The following MDGA2 variants were observed in gnomAD, a reference collection of about 807,000 sequenced individuals.
MDGA2 encodes the protein MAM domain containing glycosylphosphatidylinositol anchor 2.
MDGA2 carries 40 observed loss-of-function variants against 117.8 expected under a neutral mutation model. The observed-to-expected ratio is 0.34, with a 90% CI of 0.26 to 0.44. The LOEUF is 0.44. Among genes scored for constraint, MDGA2 ranks in the 20% least tolerant of loss-of-function variants. The pLI, the probability that MDGA2 is intolerant of heterozygous loss-of-function variation, is 1.00. For synonymous variants in MDGA2, 452 were observed against 439.0 expected (o/e 1.03, Z -0.37); for missense variants, 1,123 against 1,250.6 (o/e 0.90, Z 1.54).
intron 1 of MDGA2, among the ~76,000 whole-genome samples, chr14:47,572,258 C>T (rs951988171): frequency 1.3e-5 from 2 of 152,162 alleles, no homozygotes; most frequent in Non-Finnish European, 2.9e-5. Context: ...ACAATTTTGA[C>T]TTCCATGTGC....
chr14:47,600,019 T>C (rs905560098), intron 1 of MDGA2, among the ~76,000 whole-genome samples: 5 of 152,138 alleles, frequency 3.3e-5, no homozygotes, highest in Admixed American at 2.0e-4. Context: ...TAAAGAAGTG[T>C]AATTCAAATT....
At chr14:47,656,974 A>G (rs1897756630) in intron 1 of MDGA2, among the ~76,000 whole-genome samples, 1 of 152,164 alleles carries the variant, frequency 6.6e-6, no homozygotes, top group Non-Finnish European at 1.5e-5. Flanking sequence ...GTACCTTTTC[A>G]GGATACTTAC....
At chr14:47,652,171 G>T (rs187009731) in intron 1 of MDGA2, among the ~76,000 whole-genome samples, 4 of 152,294 alleles carry the variant, frequency 2.6e-5, no homozygotes, top group Non-Finnish European at 4.4e-5. Flanking sequence ...ACTAGCAAAA[G>T]ATATACAGAA....
chr14:47,543,999 T>G (rs1307749149), intron 1 of MDGA2, among the ~76,000 whole-genome samples: 1 of 152,190 alleles, frequency 6.6e-6, no homozygotes, highest in Non-Finnish European at 1.5e-5. Context: ...TAGGAAACAT[T>G]TAGCCAAACT....
chr14:47,493,971 C>T (rs757414563), intron 1 of MDGA2, among the ~76,000 whole-genome samples: 12 of 152,006 alleles, frequency 7.9e-5, no homozygotes, highest in South Asian at 4.2e-4. Context: ...GGAGGGACCT[C>T]GTGATTAGGT....
chr14:47,272,626 T>A (rs1566714060), intron 2 of MDGA2, among the ~76,000 whole-genome samples: 4 of 152,114 alleles, frequency 2.6e-5, no homozygotes, highest in African/African-American at 9.7e-5. Context: ...GGGCTTTTAA[T>A]GAAGAAGAAA....
intron 2 of MDGA2, among the ~76,000 whole-genome samples, chr14:47,279,817 C>T (rs1888418635): frequency 6.6e-6 from 1 of 152,098 alleles, no homozygotes; most frequent in African/African-American, 2.4e-5. Context: ...CCCCCGCCAT[C>T]CCCTAAATAT....
At position 46,916,087 on chromosome 14, in the gene MDGA2, G is replaced by C. The variant is rs574873353; in HGVS notation, c.2238+3925C>G. Among the ~76,000 whole-genome samples the C allele has an allele frequency of 1.2e-4, 19 of 152,232 alleles. No homozygotes were observed. The East Asian group carries it at 3.7e-3, about 29-fold the overall frequency. ...AGTAGTTTCAACTGGTCTGTGGTGG[G>C]ACCCAGACATTAGCCCACATGTAAC... On this transcript the variant is annotated intron_variant, in intron 10 of 16. Coordinates refer to ENST00000399232, the MANE Select transcript of MDGA2 (RefSeq NM_001113498.3).
intron 1 of MDGA2, among the ~76,000 whole-genome samples, chr14:47,491,130 G>T (rs1566482665): frequency 6.6e-6 from 1 of 152,018 alleles, no homozygotes; most frequent in Non-Finnish European, 1.5e-5. Context: ...ATGTTAAGCA[G>T]AATTTTTTTT....
chr14:47,013,619 G>T (rs1263410681), intron 8 of MDGA2, among the ~76,000 whole-genome samples: 2 of 150,820 alleles, frequency 1.3e-5, no homozygotes, highest in Non-Finnish European at 3.0e-5. Flanking sequence ...AATTTATTTT[G>T]CCCAGATTCA....
chr14:47,245,544 A>T (rs1303663135), intron 2 of MDGA2, among the ~76,000 whole-genome samples: 1 of 151,722 alleles, frequency 6.6e-6, no homozygotes, highest in East Asian at 1.9e-4. Flanking sequence ...TTAGAAGGGT[A>T]GAATAAAGGA....
chr14:47,641,752 G>T (rs555168105), intron 1 of MDGA2, among the ~76,000 whole-genome samples: 1 of 152,240 alleles, frequency 6.6e-6, no homozygotes, highest in African/African-American at 2.4e-5. Flanking sequence ...AGAAAGTTTT[G>T]CTGTAATACC....
At chr14:47,250,606 G>A (rs982218115) in intron 2 of MDGA2, among the ~76,000 whole-genome samples, 1 of 152,146 alleles carries the variant, frequency 6.6e-6, no homozygotes. Flanking sequence ...TGAGAGGACA[G>A]TGGGCCCTCA....
intron 1 of MDGA2, among the ~76,000 whole-genome samples, chr14:47,361,449 G>A (rs188773577): frequency 1.8e-4 from 28 of 152,144 alleles, no homozygotes; most frequent in Non-Finnish European, 3.7e-4. Context: ...GTATTTTGTC[G>A]TGGCAGCTCC....
intron 5 of MDGA2, among the ~76,000 whole-genome samples, chr14:47,127,231 T>C (rs1199786388): frequency 1.3e-5 from 2 of 152,142 alleles, no homozygotes; most frequent in Non-Finnish European, 2.9e-5. Context: ...TAAGAATCAC[T>C]AGGAGCAACT....
chr14:47,142,905 CT>C (rs1566648457), intron 4 of MDGA2, among the ~76,000 whole-genome samples: 1 of 152,048 alleles, frequency 6.6e-6, no homozygotes, highest in Non-Finnish European at 1.5e-5. Context: ...TGTTCTATAC[CT>C]TTTAAAAAAT....
chr14:46,971,748 T>C (rs1886274212), intron 8 of MDGA2, among the ~76,000 whole-genome samples: 1 of 152,070 alleles, frequency 6.6e-6, no homozygotes, highest in Non-Finnish European at 1.5e-5. Flanking sequence ...TAGCTAAAAA[T>C]AGCTAAAAGA....
At chr14:46,870,904 G>T (rs1186619257) in intron 14 of MDGA2, 1 of 151,780 alleles carries the variant, frequency 6.6e-6, no homozygotes. Context: ...CATAAATAAG[G>T]TGAACATATT....
chr14:47,627,097 G>T (rs1276986224), intron 1 of MDGA2, among the ~76,000 whole-genome samples: 2 of 152,180 alleles, frequency 1.3e-5, no homozygotes, highest in African/African-American at 4.8e-5. Context: ...TTCATCTGGT[G>T]GGGACTTGGA....
Sources: allele counts gnomAD v4.1 joint callset (sites outside exome capture counted in the v4.1 genomes callset), GRCh38; gene constraint gnomAD v4.1.1; transcripts MANE v1.5; gene names NCBI Gene and HGNC (gene_info 2026-07-23, HGNC 2026-07-21).